The following EFTUD2 variants were observed in gnomAD, a reference collection of about 807,000 sequenced individuals.
EFTUD2 encodes elongation factor Tu GTP binding domain containing 2.
A neutral mutation model predicts 114.3 loss-of-function variants in EFTUD2; 9 were observed. That is an observed-to-expected ratio of 0.08 (90% confidence interval 0.05 to 0.14). The LOEUF (loss-of-function observed/expected upper bound fraction) is 0.14. Ranked by LOEUF, EFTUD2 falls within the 10% of genes least tolerant of loss-of-function variation. The probability of loss-of-function intolerance (pLI) is 1.00; values close to 1 mark genes in which losing one functional copy is unlikely to be tolerated. For synonymous variants in EFTUD2, 449 were observed against 462.3 expected, an observed-to-expected ratio of 0.97 and a Z score of 0.37; for missense variants, 765 against 1,241.2, an observed-to-expected ratio of 0.62 and a Z score of 5.76.
intron 8 of EFTUD2, among the ~76,000 whole-genome samples, chr17:44,880,106 C>G (rs1022091749): frequency 6.6e-5 from 10 of 152,148 alleles, no homozygotes; most frequent in Admixed American, 6.5e-4. Context: ...AACCTAAAAC[C>G]TTCCAGTTTT....
At chr17:44,879,690 T>A (rs747665765) in intron 8 of EFTUD2, 52 bp from the exon 9 acceptor site, 1 of 1,581,550 alleles carries the variant, frequency 6.3e-7, no homozygotes, top group South Asian at 1.1e-5. Context: ...TAAAGCACAA[T>A]TAACTGGTAG....
rs771803791 is a variant in EFTUD2, at chr17:44,850,285, G to T, written c.*989C>A. On this transcript the variant is annotated 3_prime_UTR_variant, in exon 28 of 28. Coordinates refer to ENST00000426333, the MANE Select transcript of EFTUD2 (RefSeq NM_004247.4). ...AGGACGCCTGAGAGCCAGAGGACGG[G>T]TGAAGGGTTTGATGCCAAGGGGCAT... The T allele has an allele frequency of 1.3e-6, 2 of 1,519,594 alleles. No individual in the cohort carries two copies. The highest frequency in any genetic ancestry group is 1.8e-5 in the Admixed American group (1 of 55,146). 94.1% of individuals were successfully genotyped at this position (1,519,594 alleles called of 1,614,324 possible).
chr17:44,888,785 C>A (rs115008429), intron 2 of EFTUD2, among the ~76,000 whole-genome samples: 346 of 152,184 alleles, frequency 2.3e-3, no homozygotes, highest in African/African-American at 7.9e-3. Flanking sequence ...GGGAGCAGGG[C>A]GGGGAAAGCT....
chr17:44,887,226 A>T (rs2051191086), intron 2 of EFTUD2, among the ~76,000 whole-genome samples: 1 of 152,186 alleles, frequency 6.6e-6, no homozygotes, highest in Non-Finnish European at 1.5e-5. Flanking sequence ...TGCTGATGGG[A>T]AAAAGGTGCA....
At chr17:44,896,678 G>A (rs1024245273) in intron 1 of EFTUD2, among the ~76,000 whole-genome samples, 7 of 151,966 alleles carry the variant, frequency 4.6e-5, no homozygotes, top group Admixed American at 6.6e-5. Context: ...TAAACAAATA[G>A]TAGTTACTAA....
chr17:44,865,004 G>A lies in EFTUD2; in HGVS notation c.1211C>T (p.Thr404Met), dbSNP rs771994707. Reference sequence around the variant, plus strand: ...GATGTTCAGCTTCAGCTCCTCCTTCGTCAGGTGGATGCCAAGCTCGTCTAG... The same window carrying A: ...GATGTTCAGCTTCAGCTCCTCCTTCATCAGGTGGATGCCAAGCTCGTCTAG... Reference protein sequence around the residue: ...RTLDELGIHLTKEELKLNIRP... With the variant: ...RTLDELGIHLMKEELKLNIRP... Residue 404 changes from threonine (T) to methionine (M), a missense_variant, in exon 14 of 28, where the codon ACG becomes ATG. Around this residue, in one of 6 missense-constraint regions of EFTUD2, gnomAD observed 251 missense variants for 357.7 expected, o/e 0.70. Coordinates refer to ENST00000426333, the MANE Select transcript of EFTUD2 (RefSeq NM_004247.4). The A allele has an allele frequency of 2.5e-6, 4 of 1,614,172 alleles. No homozygotes were observed. Among genetic ancestry groups the A allele is most frequent in the South Asian group, 2.2e-5 (2 of 91,082 alleles).
At position 44,854,256 on chromosome 17, in the gene EFTUD2, C is replaced by T; in HGVS notation, c.2347+13G>A. 1.9e-6 allele frequency: 3 copies of T among 1,609,072 alleles called. No individual in the cohort carries two copies. Among genetic ancestry groups the T allele is most frequent in the Non-Finnish European group, 2.5e-6 (3 of 1,177,416 alleles). On this transcript the variant is annotated intron_variant, in intron 23 of 27. Transcript: ENST00000426333. The surrounding 1 kb of genome is among the most constrained non-coding windows in gnomAD (Gnocchi z 4.3). ...CCTCGAGGACTGGGGTGGGGGAGTG[C>T]TGGTGGACTTACATTCATCACAGAG...
intron 9 of EFTUD2, among the ~76,000 whole-genome samples, chr17:44,879,167 C>G (rs7213110): frequency 0.26 from 39,887 of 152,018 alleles, 5,311 homozygotes; most frequent in Non-Finnish European, 0.28. Context: ...CTCACTGCAA[C>G]CTCCAACTCC....
rs2050510770 is a variant in EFTUD2 at position 44,854,449 on chromosome 17, G to A, written c.2260-93C>T. On this transcript the variant is annotated intron_variant, in intron 22 of 27. Transcript: ENST00000426333. The surrounding 1 kb of genome is among the most constrained non-coding windows in gnomAD (Gnocchi z 4.3). ...ACAGATGTGCCTGTAAGGGGATACT[G>A]TCCTTCACCAGAGGACACAAGATAC... 1.3e-6 allele frequency: 2 copies of A among 1,577,910 alleles called. No individual in the cohort carries two copies. Among genetic ancestry groups the A allele is most frequent in the Non-Finnish European group, 1.7e-6 (2 of 1,157,186 alleles).
At chr17:44,857,690 C>T (rs2050581042) in intron 19 of EFTUD2, 1 of 157,702 alleles carries the variant, frequency 6.3e-6, no homozygotes, top group African/African-American at 2.4e-5. Flanking sequence ...TCCACAGGGC[C>T]TTGGAGAAAA....
At chr17:44,861,462 G>A (rs1275152864) in intron 16 of EFTUD2, among the ~76,000 whole-genome samples, 3 of 150,938 alleles carry the variant, frequency 2.0e-5, no homozygotes, top group East Asian at 1.9e-4. Flanking sequence ...GGCTGGGAGC[G>A]GTGGCTCACA....
In EFTUD2 at chr17:44,853,207, G is replaced by A. The variant is rs1416172331; in HGVS notation, c.2561+89C>T. 10 of 1,414,130 alleles carry A rather than the reference G, an allele frequency of 7.1e-6. No homozygotes were observed. In the South Asian group the frequency reaches 7.5e-5, roughly 11 times the overall value. 87.6% of individuals were successfully genotyped at this position (1,414,130 alleles called of 1,614,324 possible). A position where few individuals can be genotyped will look rare whatever the true frequency, so the allele number is the denominator to read the frequency against. Reference sequence around the variant, plus strand: ...TTTCCAGAGAGAGGAGGGTAGAGAAGGCCAACCTCTCTTCCCTGTAGGAGC... The same window carrying A: ...TTTCCAGAGAGAGGAGGGTAGAGAAAGCCAACCTCTCTTCCCTGTAGGAGC... On this transcript the variant is annotated intron_variant, in intron 25 of 27. Coordinates refer to ENST00000426333, the MANE Select transcript of EFTUD2 (RefSeq NM_004247.4).
Position 44,881,677 on chromosome 17 carries a change from G to C in EFTUD2, c.528+10C>G, listed in dbSNP as rs766630958. 1.9e-6 allele frequency: 3 copies of C among 1,614,046 alleles called. No homozygotes were observed. The highest frequency in any genetic ancestry group is 2.5e-6 in the Non-Finnish European group (3 of 1,179,956). Reference sequence around the variant, plus strand: ...GTAGGTGACAATCAGATTCCCCAAGGCATGCTTACCTCTTGCTCTGTGAAG... The same window carrying C: ...GTAGGTGACAATCAGATTCCCCAAGCCATGCTTACCTCTTGCTCTGTGAAG... On this transcript the variant is annotated intron_variant, in intron 7 of 27. Coordinates refer to ENST00000426333, the MANE Select transcript of EFTUD2 (RefSeq NM_004247.4).
chr17:44,873,801 A>G (rs7210874), intron 10 of EFTUD2, among the ~76,000 whole-genome samples: 45,369 of 146,412 alleles, frequency 0.31, 7,102 homozygotes, highest in African/African-American at 0.38. Context: ...GTGCAATCTC[A>G]GCTCACTGCA....
chr17:44,897,160 G>A (rs1427207657), intron 1 of EFTUD2, among the ~76,000 whole-genome samples: 5 of 147,916 alleles, frequency 3.4e-5, no homozygotes, highest in Non-Finnish European at 3.0e-5. Context: ...AGCTTGCAGT[G>A]AGCGGAGACA....
rs76187468 is a variant in EFTUD2 at position 44,869,021 on chromosome 17, T to A, written c.995-671A>T. On this transcript the variant is annotated intron_variant, in intron 11 of 27. Transcript: ENST00000426333. ...CTGATAGCACCAACCACCTCCTGGA[T>A]ATTTCTACCCAGATGTCAGACTGTC... is the stretch of plus-strand genomic sequence containing the variant. Among the ~76,000 whole-genome samples the A allele has an allele frequency of 7.9e-4, 121 of 152,334 alleles. 5 individuals carry two copies. The East Asian group carries it at 0.021, about 27-fold the overall frequency.
At chr17:44,886,187 T>C (rs1183159452) in intron 3 of EFTUD2, among the ~76,000 whole-genome samples, 1 of 152,074 alleles carries the variant, frequency 6.6e-6, no homozygotes, top group Non-Finnish European at 1.5e-5. Context: ...TGAGCCAAGA[T>C]TGTGCCACCG....
chr17:44,871,535 T>C (rs2050854781), intron 11 of EFTUD2, among the ~76,000 whole-genome samples: 1 of 151,240 alleles, frequency 6.6e-6, no homozygotes, highest in Non-Finnish European at 1.5e-5. Context: ...GAGACGGGAT[T>C]TCACCGTGTT....
Position 44,863,539 on chromosome 17 carries a change from T to C in EFTUD2, c.1413+116A>G, listed in dbSNP as rs942375261. On this transcript the variant is annotated intron_variant, in intron 15 of 27. Coordinates refer to ENST00000426333, the MANE Select transcript of EFTUD2 (RefSeq NM_004247.4). ...TTGCATTCAGGCCTGACTGTGCTCATGGGGATGGGGAGGCAAGGGTGGGAA... is the reference window on the plus strand; with the variant it reads ...TTGCATTCAGGCCTGACTGTGCTCACGGGGATGGGGAGGCAAGGGTGGGAA... 6 of 1,437,282 alleles carry C rather than the reference T, an allele frequency of 4.2e-6. No individual in the cohort carries two copies. The Admixed American group carries it at 1.0e-4, about 25-fold the overall frequency. The allele number at this position is 1,437,282 out of a possible 1,614,324, so 89.0% of individuals were successfully genotyped here. A position where few individuals can be genotyped will look rare whatever the true frequency, so the allele number is the denominator to read the frequency against.
Sources: gnomAD v4.1 joint callset for allele counts (sites outside exome capture counted in the v4.1 genomes callset) on GRCh38, gnomAD v4.1.1 for gene constraint, gnomAD v4.1.1 regional missense constraint, Gnocchi (gnomAD v3.1) non-coding constraint, MANE v1.5 for transcripts, NCBI Gene and HGNC (gene_info 2026-07-23, HGNC 2026-07-21) for gene names.